The following EXOC3L2 variants were observed in gnomAD, a reference collection of about 807,000 sequenced individuals.
EXOC3L2 encodes exocyst complex component 3 like 2, also known as exocyst complex component 3-like protein 2.
In EXOC3L2, 17 loss-of-function variants were observed where a neutral mutation model predicts 44.4. That is an observed-to-expected ratio of 0.38 (90% CI 0.26 to 0.57). The LOEUF (loss-of-function observed/expected upper bound fraction) is 0.57, where lower values mean the gene tolerates loss of function less well. Ranked by LOEUF, EXOC3L2 falls within the 20% of genes least tolerant of loss-of-function variation. The pLI, the probability that EXOC3L2 is intolerant of heterozygous loss-of-function variation, is 0.65. For missense variants in EXOC3L2, 541 were observed against 588.4 expected (o/e 0.92, Z 0.83); for synonymous variants, 256 against 253.7 (o/e 1.01, Z -0.09).
intron 11 of EXOC3L2, among the ~76,000 whole-genome samples, chr19:45,213,612 G>A (rs964762327): frequency 3.3e-5 from 5 of 152,060 alleles, no homozygotes; most frequent in Admixed American, 3.3e-4. Context: ...CCAGCCCTGG[G>A]ATCTTCCTTT....
At position 45,227,655 on chromosome 19, in the gene EXOC3L2, CCCTCA is replaced by C; in HGVS notation, c.1583+2_1583+6del. On this transcript the variant is annotated splice_donor_variant and splice_donor_5th_base_variant and intron_variant, in intron 7 of 11. Coordinates refer to ENST00000413988, the MANE Select transcript of EXOC3L2 (RefSeq NM_001382422.1). LOFTEE classifies it high-confidence loss of function. ...TCCTCCCTCCATCACACCATGGATG[CCCTCA>C]CCTCAGTGGGGGGCCGCAGTTGACC... 1 of 1,606,986 alleles carries C rather than the reference CCCTCA, an allele frequency of 6.2e-7. No homozygotes were observed. Among genetic ancestry groups the C allele is most frequent in the Non-Finnish European group, 8.5e-7 (1 of 1,177,510 alleles).
At position 45,239,505 on chromosome 19, in the gene EXOC3L2, C is replaced by T. The variant is rs570142969; in HGVS notation, c.-16-444G>A. On this transcript the variant is annotated intron_variant, in intron 1 of 11. Transcript: ENST00000413988. ...TGCTGGGATTACAGGCGTGAGCCAC[C>T]GCGCCTTGCCTCTTTTTTTTTTTTC... Among the ~76,000 whole-genome samples the T allele has an allele frequency of 8.7e-5, 13 of 150,056 alleles. 1 individual carries two copies. The highest frequency in any genetic ancestry group is 2.0e-4 in the East Asian group (1 of 5,072).
In EXOC3L2 at chr19:45,219,382, A is replaced by T. The variant is rs1056852825; in HGVS notation, c.1720-1063T>A. Reference sequence around the variant, plus strand: ...GCACTCCAGCCTGGGTAACAGAGGGAGGCCCCGTCTCAAAAAAAAAAAAAA... The same window carrying T: ...GCACTCCAGCCTGGGTAACAGAGGGTGGCCCCGTCTCAAAAAAAAAAAAAA... On this transcript the variant is annotated intron_variant, in intron 8 of 11. Coordinates refer to ENST00000413988, the MANE Select transcript of EXOC3L2 (RefSeq NM_001382422.1). Among the ~76,000 whole-genome samples the T allele has an allele frequency of 1.5e-4, 20 of 133,050 alleles. No homozygotes were observed. In the South Asian group the frequency reaches 4.3e-3, roughly 28 times the overall value. The allele number at this position is 133,050 out of a possible 152,430, so 87.3% of individuals were successfully genotyped here. A position where few individuals can be genotyped will look rare whatever the true frequency, so the allele number is the denominator to read the frequency against.
intron 4 of EXOC3L2, among the ~76,000 whole-genome samples, chr19:45,229,910 T>C (rs1324741302): frequency 6.8e-6 from 1 of 148,126 alleles, no homozygotes; most frequent in Non-Finnish European, 1.5e-5. Context: ...ATATTATTTA[T>C]AATATACACA....
chr19:45,232,085 C>A (rs142930668), intron 3 of EXOC3L2, among the ~76,000 whole-genome samples: 123 of 152,246 alleles, frequency 8.1e-4, no homozygotes, highest in African/African-American at 2.9e-3. Context: ...TGGATGGTGT[C>A]CCGGCATGAT....
chr19:45,232,861 T>G (rs1333299573), intron 3 of EXOC3L2, among the ~76,000 whole-genome samples: 1 of 152,084 alleles, frequency 6.6e-6, no homozygotes, highest in Non-Finnish European at 1.5e-5. Context: ...GTGGATCACT[T>G]GAGGTCAGGA....
At position 45,234,834 on chromosome 19, in the gene EXOC3L2, A is replaced by G; in HGVS notation, c.524-8T>C. ...GGCTCAGGATCTCCAGCACTGCGGG[A>G]GCAAAGCGGGAGGTCAGCAGTGCGC... On this transcript the variant is annotated splice_region_variant and splice_polypyrimidine_tract_variant and intron_variant, in intron 2 of 11. Coordinates refer to ENST00000413988, the MANE Select transcript of EXOC3L2 (RefSeq NM_001382422.1). The surrounding 1 kb of genome is among the most constrained non-coding windows in gnomAD (Gnocchi z 5.0). 2 of 392,338 alleles carry G rather than the reference A, an allele frequency of 5.1e-6. No individual in the cohort carries two copies. The highest frequency in any genetic ancestry group is 9.0e-6 in the Non-Finnish European group (2 of 221,984). 24.3% of individuals were successfully genotyped at this position (392,338 alleles called of 1,614,324 possible). A position where few individuals can be genotyped will look rare whatever the true frequency, so the allele number is the denominator to read the frequency against.
chr19:45,218,158 T>TAGC, intron 9 of EXOC3L2, 39 bp downstream of exon 9: 9 of 1,034,898 alleles, frequency 8.7e-6, no homozygotes, highest in Middle Eastern at 3.5e-4. Flanking sequence ...TCCCCTCTTT[T>TAGC]CCCCCACCCC....
intron 3 of EXOC3L2, among the ~76,000 whole-genome samples, chr19:45,232,514 T>C (rs141551411): frequency 4.4e-4 from 67 of 152,260 alleles, no homozygotes; most frequent in African/African-American, 1.4e-3. Flanking sequence ...TTCCCAGTCT[T>C]CCGGTGACAG....
chr19:45,232,571 C>T (rs1970042702), intron 3 of EXOC3L2, among the ~76,000 whole-genome samples: 2 of 152,178 alleles, frequency 1.3e-5, no homozygotes, highest in Admixed American at 6.5e-5. Context: ...CACTGTCCAA[C>T]GTGTGGCTTG....
At chr19:45,232,832 C>T (rs1970045259) in intron 3 of EXOC3L2, among the ~76,000 whole-genome samples, 1 of 152,164 alleles carries the variant, frequency 6.6e-6, no homozygotes, top group African/African-American at 2.4e-5. Context: ...AATCGAAGCA[C>T]TTTGGGAGGC....
At chr19:45,228,504 C>T (rs346768) in intron 4 of EXOC3L2, among the ~76,000 whole-genome samples, 4,997 of 152,118 alleles carry the variant, frequency 0.033, 246 homozygotes, top group African/African-American at 0.11. Context: ...TGGCCAAGCG[C>T]GATGGCTCAC....
chr19:45,213,455 G>T, intron 11 of EXOC3L2, 98 bp from the exon 12 acceptor site: 1 of 1,472,512 alleles, frequency 6.8e-7, no homozygotes. Context: ...ACCTATCCCA[G>T]AAATTGCCTG....
intron 3 of EXOC3L2, among the ~76,000 whole-genome samples, chr19:45,232,265 A>G (rs1970039739): frequency 6.6e-6 from 1 of 152,048 alleles, no homozygotes; most frequent in African/African-American, 2.4e-5. Flanking sequence ...ACGAGCTTAC[A>G]TGCCTGGAGC....
chr19:45,215,050 G>A (rs904419389), intron 11 of EXOC3L2, among the ~76,000 whole-genome samples: 16 of 151,988 alleles, frequency 1.1e-4, no homozygotes, highest in African/African-American at 3.9e-4. Flanking sequence ...GGAGGCTGAG[G>A]CACAATAATC....
At chr19:45,219,358 C>T (rs144640143) in intron 8 of EXOC3L2, among the ~76,000 whole-genome samples, 1,686 of 137,784 alleles carry the variant, frequency 0.012, 18 homozygotes, top group South Asian at 0.023. Flanking sequence ...CATGATACTG[C>T]ACTCCAGCCT....
rs530736333 is a variant in EXOC3L2 at position 45,212,598 on chromosome 19, C to CTTT, written c.*468_*470dup. 4.1e-3 allele frequency: 454 copies of CTTT among 111,262 alleles called. 2 individuals carry two copies. The highest frequency in any genetic ancestry group is 5.0e-3 in the Non-Finnish European group (289 of 58,066). 6.9% of individuals were successfully genotyped at this position (111,262 alleles called of 1,614,324 possible). ...CTCTTTGGCCTCTGTTTCCCCCTAC[C>CTTT]TTTTTTTTTTTTTTTTTTTTTTGAG... On this transcript the variant is annotated 3_prime_UTR_variant, in exon 12 of 12. Transcript: ENST00000413988.
Position 45,213,300 on chromosome 19 carries a change from G to A in EXOC3L2, c.2178C>T (p.Arg726=). ...CCCGGGCCACGGCCAGGATCTCCTGGCGGGCGGCTGTGTTGCGCAGGCCAC... is the reference window on the plus strand; with the variant it reads ...CCCGGGCCACGGCCAGGATCTCCTGACGGGCGGCTGTGTTGCGCAGGCCAC... ...DIRGLRNTAA[R]QEILAVARDL... is the part of the protein sequence containing the mutation. Residue 726 remains arginine (R), a synonymous_variant, in exon 12 of 12, where the codon CGC becomes CGT. Coordinates refer to ENST00000413988, the MANE Select transcript of EXOC3L2 (RefSeq NM_001382422.1). 6.2e-7 allele frequency: 1 copy of A among 1,613,866 alleles called. No individual in the cohort carries two copies. The highest frequency in any genetic ancestry group is 8.5e-7 in the Non-Finnish European group (1 of 1,179,894).
chr19:45,217,052 T>C (rs1386597206), intron 10 of EXOC3L2: 3 of 152,320 alleles, frequency 2.0e-5, no homozygotes, highest in Admixed American at 2.0e-4. Flanking sequence ...AGACAGAGTC[T>C]CACTCTGTCC....
Sources: allele counts gnomAD v4.1 joint callset (sites outside exome capture counted in the v4.1 genomes callset), GRCh38; gene constraint gnomAD v4.1.1; non-coding constraint Gnocchi (gnomAD v3.1); transcripts MANE v1.5; gene names NCBI Gene and HGNC (gene_info 2026-07-23, HGNC 2026-07-21).